RNF17: variants seen among roughly 807,000 people sequenced by gnomAD.
RNF17 encodes the protein ring finger protein 17, also known as spermatogenesis associated 23.
A neutral mutation model predicts 200.5 loss-of-function variants in RNF17; 31 were observed. That is an observed-to-expected ratio of 0.15 (90% CI 0.12 to 0.21). The LOEUF is 0.21. Ranked by LOEUF, RNF17 falls within the 10% of genes least tolerant of loss-of-function variation. RNF17 has a pLI of 1.00. For synonymous variants in RNF17, 606 were observed against 637.8 expected, an observed-to-expected ratio of 0.95 and a Z score of 0.75; for missense variants, 1,628 against 1,905.1, an observed-to-expected ratio of 0.85 and a Z score of 2.71.
At chr13:24,863,275 T>C (rs997013717) in intron 28 of RNF17, among the ~76,000 whole-genome samples, 1 of 152,214 alleles carries the variant, frequency 6.6e-6, no homozygotes, top group Non-Finnish European at 1.5e-5. Context: ...AGAGTAAATG[T>C]AATAGGAATT....
At chr13:24,780,422 T>C (rs1159482554) in intron 5 of RNF17, among the ~76,000 whole-genome samples, 2 of 152,044 alleles carry the variant, frequency 1.3e-5, no homozygotes, top group Non-Finnish European at 2.9e-5. Context: ...TAACTGGAGG[T>C]TAGGACTTCA....
At position 24,859,160 on chromosome 13, in the gene RNF17, T is replaced by G. The variant is rs953731131; in HGVS notation, c.3770T>G (p.Val1257Gly). 9.5e-6 allele frequency: 15 copies of G among 1,586,186 alleles called. No individual in the cohort carries two copies. Among genetic ancestry groups the G allele is most frequent in the Non-Finnish European group, 1.2e-5 (14 of 1,163,986 alleles). The change falls in exon 26 of 36, where the codon GTC (valine) becomes GGC (glycine). Residue 1257 changes from valine (V) to glycine (G), a missense_variant. Val to Gly is a moderately radical substitution (Grantham distance 109, BLOSUM62 -3). Coordinates refer to ENST00000255324, the MANE Select transcript of RNF17 (RefSeq NM_031277.3). ...GKVMEVVGGAVRVQYLDHGFT... is the reference protein window; with the variant it reads ...GKVMEVVGGAGRVQYLDHGFT... ...GTGATGGAGGTTGTAGGTGGCGCTG[T>G]CAGAGTGAGTCTGATATTCTTTTGT... is the stretch of plus-strand genomic sequence containing the variant.
chr13:24,804,955 T>C (rs1291844152), intron 15 of RNF17, among the ~76,000 whole-genome samples: 1 of 152,178 alleles, frequency 6.6e-6, no homozygotes, highest in African/African-American at 2.4e-5. Context: ...CATTAATCTT[T>C]GCAACAATCC....
chr13:24,841,949 G>C (rs1890683471), intron 18 of RNF17, 92 bp from the exon 19 acceptor site: 1 of 1,092,404 alleles, frequency 9.2e-7, no homozygotes, highest in African/African-American at 1.6e-5. Flanking sequence ...CTGGGCGACA[G>C]AGTGAGACTC....
intron 11 of RNF17, 108 bp downstream of exon 11, chr13:24,796,403 A>AT: frequency 1.6e-6 from 1 of 639,328 alleles, no homozygotes; most frequent in Non-Finnish European, 2.4e-6. Flanking sequence ...CTCTAAGTTC[A>AT]TTTGTAGTAA....
At chr13:24,760,406 G>A (rs1365850329), upstream of RNF17, among the ~76,000 whole-genome samples, 3 of 152,028 alleles carry the variant, frequency 2.0e-5, no homozygotes, top group Non-Finnish European at 4.4e-5. Context: ...TCCAATGCTG[G>A]GAAAACTAGA....
At chr13:24,774,028 C>T (rs1881192764) in intron 2 of RNF17, among the ~76,000 whole-genome samples, 2 of 152,168 alleles carry the variant, frequency 1.3e-5, no homozygotes, top group African/African-American at 4.8e-5. Context: ...CAACCATCAA[C>T]TATCCAACTT....
In RNF17 at chr13:24,868,606, C is replaced by T; in HGVS notation, c.4168C>T (p.Leu1390Phe). The T allele has an allele frequency of 6.4e-7, 1 of 1,566,664 alleles. No individual in the cohort carries two copies. The highest frequency in any genetic ancestry group is 2.3e-5 in the East Asian group (1 of 43,590). The change falls in exon 31 of 36, where the codon CTT becomes TTT. Residue 1390 changes from leucine (L) to phenylalanine (F), a missense_variant. By Grantham distance (22) the Leu-to-Phe change is conservative. Around this residue, in one of 5 missense-constraint regions of RNF17, gnomAD observed 609 missense variants for 681.9 expected, o/e 0.89. Transcript: ENST00000255324. ...EQWEIRFEEL[L>F]SAETDTPLLP... ...TTTTTCTGTGGTGTTTTAGGAATTG[C>T]TTTCGGCTGAAACAGACACTCCTCT... is the stretch of plus-strand genomic sequence containing the variant.
chr13:24,808,892 A>G (rs1166705284), intron 15 of RNF17, among the ~76,000 whole-genome samples: 187 of 112,404 alleles, frequency 1.7e-3, no homozygotes, highest in East Asian at 3.7e-3. Flanking sequence ...TTCTGCATCT[A>G]TTGAGATAAT....
intron 9 of RNF17, among the ~76,000 whole-genome samples, chr13:24,792,450 AAGG>A (rs1385266383): frequency 6.6e-6 from 1 of 152,198 alleles, no homozygotes; most frequent in Non-Finnish European, 1.5e-5. Context: ...ACAGAAGTTG[AAGG>A]AGAACAGAAG....
intron 15 of RNF17, among the ~76,000 whole-genome samples, chr13:24,816,266 T>A (rs1464052041): frequency 6.6e-6 from 1 of 152,182 alleles, no homozygotes; most frequent in East Asian, 1.9e-4. Context: ...AGGTGTATAA[T>A]CTTTTTATCA....
chr13:24,783,624 C>A (rs1014682756), intron 6 of RNF17, among the ~76,000 whole-genome samples: 2 of 152,016 alleles, frequency 1.3e-5, no homozygotes, highest in African/African-American at 4.8e-5. Context: ...TCTTTTGATG[C>A]TATTGTAAAA....
At chr13:24,884,124 G>A (rs2138527483), downstream of RNF17, 2 of 1,591,914 alleles carry the variant, frequency 1.3e-6, no homozygotes, top group Non-Finnish European at 1.7e-6. Context: ...TTTGAAGGAA[G>A]GGAAGAATTT....
At chr13:24,885,542 T>C in the RNF17 span, 2 of 1,321,682 alleles carry the variant, frequency 1.5e-6, no homozygotes, top group African/African-American at 2.9e-5. Flanking sequence ...GTTAAGTCTA[T>C]TAACAAATTG....
the RNF17 span, among the ~76,000 whole-genome samples, chr13:24,888,011 T>C: frequency 6.6e-6 from 1 of 152,348 alleles, no homozygotes. Flanking sequence ...CTCATCTATG[T>C]CTTTACGTAG....
intron 2 of RNF17, among the ~76,000 whole-genome samples, chr13:24,772,695 C>G (rs990357870): frequency 2.4e-4 from 36 of 151,962 alleles, no homozygotes; most frequent in African/African-American, 8.7e-4. Context: ...ACTGCAAGCT[C>G]CTCCTCCCAG....
chr13:24,843,834 T>C lies in RNF17; in HGVS notation c.2694T>C (p.Asn898=). The change falls in exon 20 of 36, where the codon AAT becomes AAC. Residue 898 remains asparagine, a synonymous_variant. Coordinates refer to ENST00000255324, the MANE Select transcript of RNF17 (RefSeq NM_031277.3). ...EIISNEVHNL[N]PVSAKSLPNE... ...TTTCAAATGAAGTACACAACTTAAA[T>C]CCTGTGTCTGCAAAATCTCTACCTA... 1 of 1,610,446 alleles carries C rather than the reference T, an allele frequency of 6.2e-7. No homozygotes were observed. Among genetic ancestry groups the C allele is most frequent in the Non-Finnish European group, 8.5e-7 (1 of 1,177,296 alleles).
intron 16 of RNF17, among the ~76,000 whole-genome samples, chr13:24,827,346 A>G (rs970969735): frequency 5.9e-5 from 9 of 152,162 alleles, no homozygotes; most frequent in Admixed American, 1.3e-4. Context: ...TATCAAAACT[A>G]TTCTTGCAAC....
chr13:24,756,853 G>C, the RNF17 span, among the ~76,000 whole-genome samples: 1 of 152,202 alleles, frequency 6.6e-6, no homozygotes, highest in East Asian at 1.9e-4. Context: ...CCTTTGTATA[G>C]CCTTGGAAAA....
Sources: allele counts gnomAD v4.1 joint callset (sites outside exome capture counted in the v4.1 genomes callset), GRCh38; gene constraint gnomAD v4.1.1; regional missense constraint gnomAD v4.1.1; transcripts MANE v1.5; gene names NCBI Gene and HGNC (gene_info 2026-07-23, HGNC 2026-07-21).